Variants in HOXA3 observed in about 807,000 individuals in gnomAD.
HOXA3 encodes homeobox protein Hox-A3.
A neutral mutation model predicts 30.3 loss-of-function variants in HOXA3; 8 were observed. The ratio of observed to expected loss-of-function variants is 0.26; its 90% CI spans 0.15 to 0.48. HOXA3 has a LOEUF of 0.48. Among genes scored for constraint, HOXA3 ranks in the 20% least tolerant of loss-of-function variants. The pLI, the probability that HOXA3 is intolerant of heterozygous loss-of-function variation, is 0.99. For missense variants in HOXA3, 653 were observed against 614.4 expected, an observed-to-expected ratio of 1.06 and a Z score of -0.66; for synonymous variants, 323 against 273.1, an observed-to-expected ratio of 1.18 and a Z score of -1.80.
At chr7:27,109,898 G>A (rs1290256302) in intron 5 of HOXA3, 1 of 605,246 alleles carries the variant, frequency 1.7e-6, no homozygotes, top group African/African-American at 1.9e-5. Context: ...GAAGTCCAGA[G>A]GGACTCCCAG....
Position 27,145,457 on chromosome 7 carries a change from GTTTT to G in HOXA3, c.-493-5275_-493-5272del, listed in dbSNP as rs529238604. 6 of 214,192 alleles carry G rather than the reference GTTTT, an allele frequency of 2.8e-5. 1 individual carries two copies. The highest frequency in any genetic ancestry group is 1.6e-4 in the Admixed American group (2 of 12,618). The allele number at this position is 214,192 out of a possible 1,614,324, so 13.3% of individuals were successfully genotyped here. On this transcript the variant is annotated intron_variant, in intron 1 of 5. Transcript: ENST00000612286. ...TTGGCTGTGTGTGAGGTTTTGTTTT[GTTTT>G]GTTTTGTTTTGTTTTGTTTTGTTTT... is the stretch of plus-strand genomic sequence containing the variant.
At chr7:27,125,629 G>A (rs1438958407) in intron 3 of HOXA3, among the ~76,000 whole-genome samples, 1 of 152,236 alleles carries the variant, frequency 6.6e-6, no homozygotes, top group Non-Finnish European at 1.5e-5. Context: ...AGCAGCAGTT[G>A]AGAAAGGTGA....
intron 4 of HOXA3, among the ~76,000 whole-genome samples, chr7:27,120,041 G>T (rs889857236): frequency 6.6e-6 from 1 of 152,036 alleles, no homozygotes; most frequent in African/African-American, 2.4e-5. Flanking sequence ...TGACCCCCAA[G>T]AACTCACTCC....
rs1431829788 is a variant in HOXA3 at position 27,113,985 on chromosome 7, C to A, written c.-120-3225G>T. On this transcript the variant is annotated intron_variant, in intron 4 of 5. Coordinates refer to ENST00000612286, the MANE Select transcript of HOXA3 (RefSeq NM_153631.3). The surrounding 1 kb of genome is among the most constrained non-coding windows in gnomAD (Gnocchi z 4.8). Reference sequence around the variant, plus strand: ...CCGGGCTCTGCCTGGGCTAGTGGCACCGACTTGGGTATGTTTCTTATGAAT... The same window carrying A: ...CCGGGCTCTGCCTGGGCTAGTGGCAACGACTTGGGTATGTTTCTTATGAAT... The A allele has an allele frequency of 6.6e-6, 1 of 151,702 alleles. No homozygotes were observed. Among genetic ancestry groups the A allele is most frequent in the East Asian group, 1.9e-4 (1 of 5,130 alleles). 9.4% of individuals were successfully genotyped at this position (151,702 alleles called of 1,614,324 possible).
chr7:27,131,018 C>T (rs541392926), intron 2 of HOXA3, among the ~76,000 whole-genome samples: 3 of 152,210 alleles, frequency 2.0e-5, no homozygotes, highest in African/African-American at 7.2e-5. Flanking sequence ...CGCGCGGGTG[C>T]GTGATGGATG....
At chr7:27,143,764 G>A in intron 1 of HOXA3, 2 of 1,360,816 alleles carry the variant, frequency 1.5e-6, no homozygotes, top group South Asian at 3.3e-5. Flanking sequence ...TTCGAATCAC[G>A]TGCTTTTGTT....
chr7:27,124,899 C>A (rs1785215183), intron 3 of HOXA3, among the ~76,000 whole-genome samples: 1 of 152,126 alleles, frequency 6.6e-6, no homozygotes, highest in Non-Finnish European at 1.5e-5. Flanking sequence ...GGGATTATGA[C>A]CGTTGTGGAT....
chr7:27,130,587 C>T, intron 2 of HOXA3: 2 of 1,515,958 alleles, frequency 1.3e-6, no homozygotes, highest in South Asian at 1.2e-5. Context: ...GGTGCTGGGT[C>T]GGGGGCGCTG....
Position 27,141,572 on chromosome 7 carries a change from A to G in HOXA3, c.-493-1386T>C, listed in dbSNP as rs183022466. The G allele has an allele frequency of 3.2e-5, 11 of 339,674 alleles. No individual in the cohort carries two copies. In the Admixed American group the frequency reaches 4.9e-4, roughly 15 times the overall value. 21.0% of individuals were successfully genotyped at this position (339,674 alleles called of 1,614,324 possible). The stretch of plus-strand genomic sequence containing the variant: ...TTTTGTTATAGTTACTTCAAGTAAC[A>G]CAGCTTGCTTCATATAAATAAGTTA... On this transcript the variant is annotated intron_variant, in intron 1 of 5. Coordinates refer to ENST00000612286, the MANE Select transcript of HOXA3 (RefSeq NM_153631.3).
At chr7:27,130,877 T>TC in intron 2 of HOXA3, 2 of 681,454 alleles carry the variant, frequency 2.9e-6, no homozygotes, top group Non-Finnish European at 4.6e-6. Context: ...TGCCCACTCC[T>TC]CCCCCTCCCG....
intron 1 of HOXA3, chr7:27,141,635 C>G (rs539680091): frequency 1.1e-5 from 6 of 552,018 alleles, no homozygotes; most frequent in African/African-American, 5.7e-5. Flanking sequence ...CCATTCAGGA[C>G]AAAGAGATGA....
chr7:27,130,587 CGGGGGCGCT>C (rs1389509337), intron 2 of HOXA3: 2 of 1,515,840 alleles, frequency 1.3e-6, no homozygotes, highest in African/African-American at 2.9e-5. Flanking sequence ...GGTGCTGGGT[CGGGGGCGCT>C]GGGGGCTGCT....
Position 27,107,557 on chromosome 7 carries a change from T to G in HOXA3, c.*358A>C. The G allele has an allele frequency of 4.8e-6, 1 of 208,724 alleles. No homozygotes were observed. The highest frequency in any genetic ancestry group is 9.4e-6 in the Non-Finnish European group (1 of 105,946). 12.9% of individuals were successfully genotyped at this position (208,724 alleles called of 1,614,324 possible). A position where few individuals can be genotyped will look rare whatever the true frequency, so the allele number is the denominator to read the frequency against. ...AGTAATCGCTTCCCCTCGGGAGCCA[T>G]AATGTAAGAACAAATTCACATTGAA... On this transcript the variant is annotated 3_prime_UTR_variant, in exon 6 of 6. Coordinates refer to ENST00000612286, the MANE Select transcript of HOXA3 (RefSeq NM_153631.3).
chr7:27,152,559 A>T lies in HOXA3; in HGVS notation c.-765T>A, dbSNP rs1783013486. On this transcript the variant is annotated 5_prime_UTR_variant, in exon 1 of 6. Coordinates refer to ENST00000612286, the MANE Select transcript of HOXA3 (RefSeq NM_153631.3). ...TGGAAGGCAGAGCTCCGAAGCAGGC[A>T]GGACGGAGCGGAGCAAAAGAATGCG... 15 of 1,188,800 alleles carry T rather than the reference A, an allele frequency of 1.3e-5. No individual in the cohort carries two copies. Among genetic ancestry groups the T allele is most frequent in the Non-Finnish European group, 1.5e-5 (14 of 942,478 alleles). The allele number at this position is 1,188,800 out of a possible 1,614,324, so 73.6% of individuals were successfully genotyped here. A position where few individuals can be genotyped will look rare whatever the true frequency, so the allele number is the denominator to read the frequency against.
At position 27,144,850 on chromosome 7, in the gene HOXA3, A is replaced by G. The variant is rs62454416; in HGVS notation, c.-493-4664T>C. Among the ~76,000 whole-genome samples, 1,049 of 152,334 alleles carry G rather than the reference A, an allele frequency of 6.9e-3. 7 individuals carry two copies. Among genetic ancestry groups the G allele is most frequent in the Non-Finnish European group, 0.01 (702 of 68,026 alleles). On this transcript the variant is annotated intron_variant, in intron 1 of 5. Transcript: ENST00000612286. The stretch of plus-strand genomic sequence containing the variant: ...TGCAGGCGCCCCTGGCACGTCTGGA[A>G]GCCAGGACTCTGGCGGCTCCCATGG...
chr7:27,110,789 A>G, intron 4 of HOXA3, 29 bp from the exon 5 acceptor site: 1 of 1,184,960 alleles, frequency 8.4e-7, no homozygotes, highest in Non-Finnish European at 1.2e-6. Context: ...CAGCGCGGTG[A>G]GGGCTCCGCG....
chr7:27,114,741 T>TCACACACACACACACACACACACA (rs1420948566), intron 4 of HOXA3, among the ~76,000 whole-genome samples: 1 of 8,366 alleles, frequency 1.2e-4, no homozygotes. Flanking sequence ...GAAACCGACA[T>TCACACACACACACACACACACACA]CATACACACA....
chr7:27,147,411 G>C lies in HOXA3; in HGVS notation c.-494+4877C>G, dbSNP rs776052179. Reference sequence around the variant, plus strand: ...CTTTGCCCTGCCCGCTGCTGCTGTCGGGTTTGTACTGCTGCTCGGGAGAAA... The same window carrying C: ...CTTTGCCCTGCCCGCTGCTGCTGTCCGGTTTGTACTGCTGCTCGGGAGAAA... On this transcript the variant is annotated intron_variant, in intron 1 of 5. Transcript: ENST00000612286. 3 of 1,614,064 alleles carry C rather than the reference G, an allele frequency of 1.9e-6. No individual in the cohort carries two copies. In the African/African-American group the frequency reaches 4.0e-5, roughly 22 times the overall value.
chr7:27,136,920 C>T (rs543099094), intron 2 of HOXA3, among the ~76,000 whole-genome samples: 7 of 152,218 alleles, frequency 4.6e-5, no homozygotes, highest in South Asian at 4.1e-4. Context: ...TCAGCCCTGC[C>T]TGGGAGCCCC....
Sources: gnomAD v4.1 joint callset for allele counts (sites outside exome capture counted in the v4.1 genomes callset) on GRCh38, gnomAD v4.1.1 for gene constraint, Gnocchi (gnomAD v3.1) non-coding constraint, MANE v1.5 for transcripts, NCBI Gene and HGNC (gene_info 2026-07-23, HGNC 2026-07-21) for gene names.